The following FAM83F variants were observed in gnomAD, a reference collection of about 807,000 sequenced individuals.
The protein encoded by FAM83F is scaffolding CK1 anchoring protein F.
In FAM83F, 45 loss-of-function variants were observed where a neutral mutation model predicts 42.9. The observed-to-expected ratio is 1.05, with a 90% confidence interval of 0.83 to 1.35. The LOEUF (loss-of-function observed/expected upper bound fraction) is 1.35. FAM83F is among the 40% of genes most tolerant of loss of function. The pLI is 0.00. For missense variants in FAM83F, 617 were observed against 695.9 expected (o/e 0.89, Z 1.28); for synonymous variants, 306 against 298.3 (o/e 1.03, Z -0.27).
Position 40,019,343 on chromosome 22 carries a change from G to A in FAM83F, c.657+8G>A. The stretch of plus-strand genomic sequence containing the variant: ...ACTGACTTCCGGATTCGGGTAAGTT[G>A]CACCACTGGGGTGGAAAGTGGACAG... On this transcript the variant is annotated splice_region_variant and intron_variant, in intron 2 of 4. Coordinates refer to ENST00000333407, the MANE Select transcript of FAM83F (RefSeq NM_138435.4). 1.9e-6 allele frequency: 3 copies of A among 1,613,044 alleles called. No homozygotes were observed. Among genetic ancestry groups the A allele is most frequent in the Non-Finnish European group, 2.5e-6 (3 of 1,179,184 alleles).
chr22:40,043,025 CCTT>C lies in FAM83F; in HGVS notation c.*13464_*13466del, dbSNP rs1254298575. ...ATTTGACGCACGATCTTTCTTCTGT[CCTT>C]CTTGCAGTTGCCCTAGGAATACATG... On this transcript the variant is annotated 3_prime_UTR_variant, in exon 5 of 5. Transcript: ENST00000333407. The C allele has an allele frequency of 5.9e-5, 9 of 152,192 alleles. No individual in the cohort carries two copies. Among genetic ancestry groups the C allele is most frequent in the Non-Finnish European group, 1.0e-4 (7 of 68,026 alleles). 9.4% of individuals were successfully genotyped at this position (152,192 alleles called of 1,614,324 possible). A position where few individuals can be genotyped will look rare whatever the true frequency, so the allele number is the denominator to read the frequency against.
At chr22:40,019,597 C>A (rs1230614102) in intron 2 of FAM83F, among the ~76,000 whole-genome samples, 1 of 152,210 alleles carries the variant, frequency 6.6e-6, no homozygotes, top group Non-Finnish European at 1.5e-5. Context: ...GGGTGCTTAG[C>A]CTGCAGAATC....
In FAM83F at chr22:40,035,488, C is replaced by T. The variant is rs920638619; in HGVS notation, c.*5923C>T. The T allele has an allele frequency of 3.3e-5, 5 of 152,200 alleles. No individual in the cohort carries two copies. Among genetic ancestry groups the T allele is most frequent in the Non-Finnish European group, 7.3e-5 (5 of 68,042 alleles). The allele number at this position is 152,200 out of a possible 1,614,324, so 9.4% of individuals were successfully genotyped here. A position where few individuals can be genotyped will look rare whatever the true frequency, so the allele number is the denominator to read the frequency against. On this transcript the variant is annotated 3_prime_UTR_variant, in exon 5 of 5. Coordinates refer to ENST00000333407, the MANE Select transcript of FAM83F (RefSeq NM_138435.4). Reference sequence around the variant, plus strand: ...TTAGGCGACTGCACAGGGAAAGGTTCGCTGCAGTGCTTGCAGGCCTGCACC... The same window carrying T: ...TTAGGCGACTGCACAGGGAAAGGTTTGCTGCAGTGCTTGCAGGCCTGCACC...
Position 40,019,270 on chromosome 22 carries a change from G to A in FAM83F, c.592G>A (p.Glu198Lys), listed in dbSNP as rs1240054918. The change falls in exon 2 of 5, where the codon GAG (glutamate) becomes AAG (lysine). Residue 198 changes from glutamate (E) to lysine (K), a missense_variant. Glu to Lys is a moderately conservative substitution (Grantham distance 56, BLOSUM62 1). Coordinates refer to ENST00000333407, the MANE Select transcript of FAM83F (RefSeq NM_138435.4). ...RRVPVYIILDEAGVKYFLEMC... is the reference protein window; with the variant it reads ...RRVPVYIILDKAGVKYFLEMC... ...GGTCCCAGTGTACATCATCCTGGAC[G>A]AGGCAGGAGTGAAGTATTTCCTGGA... 8.1e-6 allele frequency: 13 copies of A among 1,614,162 alleles called. No individual in the cohort carries two copies. Among genetic ancestry groups the A allele is most frequent in the Non-Finnish European group, 9.3e-6 (11 of 1,180,018 alleles).
rs2067590302 is a variant in FAM83F, at chr22:40,031,921, C to T, written c.*2356C>T. 1 of 152,336 alleles carries T rather than the reference C, an allele frequency of 6.6e-6. No individual in the cohort carries two copies. Among genetic ancestry groups the T allele is most frequent in the African/African-American group, 2.4e-5 (1 of 41,478 alleles). The allele number at this position is 152,336 out of a possible 1,614,324, so 9.4% of individuals were successfully genotyped here. ...GGCACCGGCCCACTCTGTTCTGCCTCTTGGCTTCTCAGCTGTGAGTACGCC... is the reference window on the plus strand; with the variant it reads ...GGCACCGGCCCACTCTGTTCTGCCTTTTGGCTTCTCAGCTGTGAGTACGCC... On this transcript the variant is annotated 3_prime_UTR_variant, in exon 5 of 5. Transcript: ENST00000333407.
rs1276602667 is a variant in FAM83F, at chr22:40,033,140, A to C, written c.*3575A>C. On this transcript the variant is annotated 3_prime_UTR_variant, in exon 5 of 5. Transcript: ENST00000333407. ...TGCTCTGTCGATCAGGCTGGAGTGCAGTGGCGTCATCTCAGCTCGCTACAA... is the reference window on the plus strand; with the variant it reads ...TGCTCTGTCGATCAGGCTGGAGTGCCGTGGCGTCATCTCAGCTCGCTACAA... 6.6e-6 allele frequency: 1 copy of C among 151,928 alleles called. No individual in the cohort carries two copies. Among genetic ancestry groups the C allele is most frequent in the East Asian group, 1.9e-4 (1 of 5,168 alleles). The allele number at this position is 151,928 out of a possible 1,614,324, so 9.4% of individuals were successfully genotyped here.
chr22:40,029,535 T>C lies in FAM83F; in HGVS notation c.1473T>C (p.Ser491=). ...ADISGKTSPS[S]AKPSNCVIS is the part of the protein sequence containing the mutation. ...CTGCAGGTAAAACAAGTCCCAGTTC[T>C]GCCAAGCCTAGCAACTGTGTGATTT... Residue 491 remains serine (S), a synonymous_variant, in exon 5 of 5, where the codon TCT becomes TCC. Transcript: ENST00000333407. 5 of 1,612,742 alleles carry C rather than the reference T, an allele frequency of 3.1e-6. No individual in the cohort carries two copies. The highest frequency in any genetic ancestry group is 4.2e-6 in the Non-Finnish European group (5 of 1,179,450).
chr22:39,996,424 C>T (rs971010585), intron 1 of FAM83F, among the ~76,000 whole-genome samples: 7 of 152,158 alleles, frequency 4.6e-5, no homozygotes, highest in Non-Finnish European at 8.8e-5. Context: ...TGACATGAGA[C>T]GTACTGATAC....
At chr22:39,997,510 G>T (rs1249554793) in intron 1 of FAM83F, among the ~76,000 whole-genome samples, 2 of 152,252 alleles carry the variant, frequency 1.3e-5, no homozygotes, top group East Asian at 3.8e-4. Context: ...AAGATACACG[G>T]TGTGGCTTTG....
At chr22:39,999,996 C>T (rs972867510) in intron 1 of FAM83F, among the ~76,000 whole-genome samples, 9 of 152,242 alleles carry the variant, frequency 5.9e-5, no homozygotes, top group African/African-American at 1.9e-4. Context: ...GGATTGGGAA[C>T]TTTGGAAAAG....
chr22:40,012,382 G>A (rs147783079), intron 1 of FAM83F, among the ~76,000 whole-genome samples: 1,679 of 152,028 alleles, frequency 0.011, 26 homozygotes, highest in African/African-American at 0.039. Flanking sequence ...TGATCCATCC[G>A]CCTTGGCCTC....
chr22:40,029,705 C>T lies in FAM83F; in HGVS notation c.*140C>T. 7.2e-6 allele frequency: 9 copies of T among 1,257,148 alleles called. No individual in the cohort carries two copies. 77.9% of individuals were successfully genotyped at this position (1,257,148 alleles called of 1,614,324 possible). A position where few individuals can be genotyped will look rare whatever the true frequency, so the allele number is the denominator to read the frequency against. The stretch of plus-strand genomic sequence containing the variant: ...TGCCCTGCAGCCTCCGTCCTGGCCT[C>T]AGGGACGCTGGATCCCAAATGAGAG... On this transcript the variant is annotated 3_prime_UTR_variant, in exon 5 of 5. Transcript: ENST00000333407.
intron 1 of FAM83F, among the ~76,000 whole-genome samples, chr22:40,015,923 G>C (rs1270568182): frequency 6.6e-6 from 1 of 152,148 alleles, no homozygotes; most frequent in Non-Finnish European, 1.5e-5. Context: ...TGCCTGTGGG[G>C]CTCAGGAAGA....
intron 1 of FAM83F, among the ~76,000 whole-genome samples, chr22:40,015,092 G>C (rs1203679299): frequency 1.3e-5 from 2 of 152,184 alleles, no homozygotes; most frequent in Non-Finnish European, 2.9e-5. Flanking sequence ...TTGTGTGTGT[G>C]TAAGAGAGAT....
chr22:40,004,581 G>T (rs2067418773), intron 1 of FAM83F, among the ~76,000 whole-genome samples: 1 of 152,128 alleles, frequency 6.6e-6, no homozygotes, highest in Non-Finnish European at 1.5e-5. Context: ...GGGATTACAG[G>T]TGTGAGCCAC....
chr22:40,011,346 G>A (rs980482620), intron 1 of FAM83F, among the ~76,000 whole-genome samples: 6 of 151,984 alleles, frequency 3.9e-5, no homozygotes, highest in East Asian at 1.9e-4. Context: ...CACCATGCCC[G>A]GCTAATTTTT....
At chr22:40,028,599 G>T (rs2067568308) in intron 4 of FAM83F, among the ~76,000 whole-genome samples, 1 of 152,188 alleles carries the variant, frequency 6.6e-6, no homozygotes, top group Admixed American at 6.5e-5. Context: ...CCCTCCGGAG[G>T]TCCGAGAGCA....
chr22:40,022,928 C>G (rs2067530534), intron 4 of FAM83F, among the ~76,000 whole-genome samples: 1 of 152,188 alleles, frequency 6.6e-6, no homozygotes, highest in African/African-American at 2.4e-5. Flanking sequence ...GAGCAGGGAG[C>G]ACAAGTGTCA....
At chr22:40,012,663 G>C (rs188872956) in intron 1 of FAM83F, among the ~76,000 whole-genome samples, 1 of 151,222 alleles carries the variant, frequency 6.6e-6, no homozygotes. Flanking sequence ...CCAGCTACTC[G>C]GGAGGCTGAG....
Sources: allele counts gnomAD v4.1 joint callset (sites outside exome capture counted in the v4.1 genomes callset), GRCh38; gene constraint gnomAD v4.1.1; transcripts MANE v1.5; gene names NCBI Gene and HGNC (gene_info 2026-07-23, HGNC 2026-07-21).